Variants in GMDS observed in about 807,000 individuals in gnomAD.
GMDS encodes GDP-mannose 4,6 dehydratase.
A neutral mutation model predicts 49.9 loss-of-function variants in GMDS; 20 were observed. The ratio of observed to expected loss-of-function variants is 0.40; its 90% CI spans 0.28 to 0.58. The LOEUF is 0.58. GMDS is among the 20% of genes least tolerant of loss of function. GMDS has a pLI of 0.42. For synonymous variants in GMDS, 177 were observed against 178.6 expected, an observed-to-expected ratio of 0.99 and a Z score of 0.07; for missense variants, 362 against 481.4, an observed-to-expected ratio of 0.75 and a Z score of 2.32.
chr6:1,819,027 T>G (rs1770782238), intron 7 of GMDS, among the ~76,000 whole-genome samples: 2 of 151,836 alleles, frequency 1.3e-5, no homozygotes, highest in African/African-American at 4.8e-5. Flanking sequence ...TTTAACACAC[T>G]GCTCCTTCAC....
intron 7 of GMDS, among the ~76,000 whole-genome samples, chr6:1,827,078 A>ATGTGTG (rs111813765): frequency 0.026 from 3,255 of 125,140 alleles, 60 homozygotes; most frequent in Middle Eastern, 0.068. Flanking sequence ...AAAAATATAT[A>ATGTGTG]TGTGTGTGTG....
chr6:2,070,244 A>T (rs1163544157), intron 4 of GMDS, among the ~76,000 whole-genome samples: 1 of 140,264 alleles, frequency 7.1e-6, no homozygotes, highest in East Asian at 2.2e-4. Flanking sequence ...CAAGAAGGGG[A>T]ACATCACACT....
At chr6:1,813,503 A>G (rs916965408) in intron 7 of GMDS, among the ~76,000 whole-genome samples, 6 of 152,164 alleles carry the variant, frequency 3.9e-5, no homozygotes, top group African/African-American at 1.4e-4. Flanking sequence ...ATCATTTGAA[A>G]ACTTTACATG....
intron 9 of GMDS, among the ~76,000 whole-genome samples, chr6:1,712,122 T>TAGAAGATGCTGGAAAATTCAGTCAGATAC (rs1765994730): frequency 6.6e-6 from 1 of 152,220 alleles, no homozygotes; most frequent in South Asian, 2.1e-4. Flanking sequence ...ATAGAAGGTA[T>TAGAAGATGCTGGAAAATTCAGTCAGATAC]AGAAGATGCT....
chr6:1,647,416 A>T (rs915658515), intron 9 of GMDS, among the ~76,000 whole-genome samples: 9 of 152,340 alleles, frequency 5.9e-5, no homozygotes, highest in African/African-American at 2.2e-4. Context: ...TCCTAAAAAA[A>T]GAGTGTCCCC....
At position 1,624,157 on chromosome 6, in the gene GMDS, C is replaced by G; in HGVS notation, c.*12G>C. The G allele has an allele frequency of 6.2e-7, 1 of 1,606,414 alleles. No individual in the cohort carries two copies. Among genetic ancestry groups the G allele is most frequent in the Non-Finnish European group, 8.5e-7 (1 of 1,179,060 alleles). On this transcript the variant is annotated 3_prime_UTR_variant, in exon 11 of 11. Coordinates refer to ENST00000380815, the MANE Select transcript of GMDS (RefSeq NM_001500.4). ...TTGTAGCCGGAGGGCGGGCCGGGCTCCGAGGCGCTGCTCAGGCATTGGGGT... is the reference window on the plus strand; with the variant it reads ...TTGTAGCCGGAGGGCGGGCCGGGCTGCGAGGCGCTGCTCAGGCATTGGGGT...
At chr6:1,937,899 G>A (rs1297113017) in intron 6 of GMDS, among the ~76,000 whole-genome samples, 1 of 152,190 alleles carries the variant, frequency 6.6e-6, no homozygotes, top group East Asian at 1.9e-4. Context: ...GAGGCTAGGT[G>A]CGGTGGCTCA....
At chr6:2,126,908 A>AG (rs1775480432) in intron 1 of GMDS, among the ~76,000 whole-genome samples, 1 of 152,230 alleles carries the variant, frequency 6.6e-6, no homozygotes, top group South Asian at 2.1e-4. Flanking sequence ...GCTGAGATTC[A>AG]GGCGTTAGCC....
chr6:1,749,640 A>G (rs745795051), intron 7 of GMDS, among the ~76,000 whole-genome samples: 15 of 152,150 alleles, frequency 9.9e-5, no homozygotes, highest in Non-Finnish European at 1.8e-4. Flanking sequence ...CTCCTTCAGC[A>G]ACACCTTCTT....
At chr6:1,895,014 A>G (rs1168118386) in intron 7 of GMDS, among the ~76,000 whole-genome samples, 2 of 152,172 alleles carry the variant, frequency 1.3e-5, no homozygotes, top group African/African-American at 4.8e-5. Context: ...ATCTTCTAGA[A>G]TTACTTTATA....
chr6:1,690,859 A>G (rs1765143467), intron 9 of GMDS, among the ~76,000 whole-genome samples: 1 of 152,202 alleles, frequency 6.6e-6, no homozygotes. Flanking sequence ...TCAAGAAACC[A>G]CAGATGTTGG....
intron 9 of GMDS, among the ~76,000 whole-genome samples, chr6:1,662,234 G>A (rs1257309667): frequency 6.6e-6 from 1 of 152,140 alleles, no homozygotes; most frequent in Non-Finnish European, 1.5e-5. Flanking sequence ...TTAGCACTGG[G>A]AAACTGAGGT....
At chr6:1,976,534 T>C (rs1190425351) in intron 4 of GMDS, among the ~76,000 whole-genome samples, 1 of 152,204 alleles carries the variant, frequency 6.6e-6, no homozygotes, top group Non-Finnish European at 1.5e-5. Flanking sequence ...TCTTCCTCTG[T>C]AGATGCCTTT....
At chr6:1,633,901 C>T (rs771547341) in intron 9 of GMDS, among the ~76,000 whole-genome samples, 7 of 152,194 alleles carry the variant, frequency 4.6e-5, no homozygotes, top group African/African-American at 7.2e-5. Flanking sequence ...TATCTACCGC[C>T]TGCAGGCTGT....
At chr6:2,173,033 C>A (rs965770916) in intron 1 of GMDS, among the ~76,000 whole-genome samples, 1 of 151,992 alleles carries the variant, frequency 6.6e-6, no homozygotes, top group African/African-American at 2.4e-5. Flanking sequence ...TCTCAGTTTC[C>A]AAAGAAATAA....
At chr6:1,995,047 G>A (rs1418913667) in intron 4 of GMDS, among the ~76,000 whole-genome samples, 1 of 152,166 alleles carries the variant, frequency 6.6e-6, no homozygotes, top group Non-Finnish European at 1.5e-5. Context: ...CACAGAGGCA[G>A]TAACCTTATA....
intron 7 of GMDS, among the ~76,000 whole-genome samples, chr6:1,839,157 A>C (rs1449964218): frequency 2.6e-5 from 4 of 152,174 alleles, no homozygotes; most frequent in Non-Finnish European, 4.4e-5. Flanking sequence ...CTCAGAAAAA[A>C]AAAAAGTGAG....
At chr6:2,055,724 A>C (rs1398486298) in intron 4 of GMDS, among the ~76,000 whole-genome samples, 1 of 152,158 alleles carries the variant, frequency 6.6e-6, no homozygotes, top group African/African-American at 2.4e-5. Flanking sequence ...CTGTAGATTA[A>C]ATATCAGGAT....
At chr6:1,964,439 T>C (rs1764143667) in intron 4 of GMDS, among the ~76,000 whole-genome samples, 1 of 152,218 alleles carries the variant, frequency 6.6e-6, no homozygotes, top group Non-Finnish European at 1.5e-5. Context: ...TATTTAATCC[T>C]AAGAACAGGT....
Sources: gnomAD v4.1 joint callset for allele counts (sites outside exome capture counted in the v4.1 genomes callset) on GRCh38, gnomAD v4.1.1 for gene constraint, MANE v1.5 for transcripts, NCBI Gene and HGNC (gene_info 2026-07-23, HGNC 2026-07-21) for gene names.